The following UBAP2L variants were observed in gnomAD, a reference collection of about 807,000 sequenced individuals.
The protein encoded by UBAP2L is ubiquitin associated protein 2 like, also known as ubiquitin-associated protein 2-like.
In UBAP2L, 12 loss-of-function variants were observed where a neutral mutation model predicts 130.6. That is an observed-to-expected ratio of 0.09 (90% CI 0.06 to 0.15). The LOEUF is 0.15. Among genes scored for constraint, UBAP2L ranks in the 10% least tolerant of loss-of-function variants. UBAP2L has a pLI of 1.00. For synonymous variants in UBAP2L, 503 were observed against 524.7 expected (o/e 0.96, Z 0.57); for missense variants, 965 against 1,332.5 (o/e 0.72, Z 4.29).
In UBAP2L at chr1:154,257,184, G is replaced by A. The variant is rs927700441; in HGVS notation, c.2279G>A (p.Ser760Asn). 1.2e-6 allele frequency: 2 copies of A among 1,614,216 alleles called. No individual in the cohort carries two copies. The highest frequency in any genetic ancestry group is 3.3e-5 in the Admixed American group (2 of 60,024). ...VSVSSSLNSG[S>N]SLGLSLGSNS... is the part of the protein sequence containing the mutation. ...GTCTCCTCCAGTCTCAATAGTGGCA[G>A]TAGCCTGGGCCTCAGCCTAGGCAGC... Residue 760 changes from serine to asparagine, a missense_variant, in exon 19 of 27, where the codon AGT becomes AAT. Ser to Asn is a conservative substitution (Grantham distance 46, BLOSUM62 1). This residue lies in a region of UBAP2L where 393 missense variants were observed against 408.1 expected (regional missense o/e 0.96). Transcript: ENST00000428931.
intron 8 of UBAP2L, 128 bp downstream of exon 8, chr1:154,237,264 C>G (rs1671988367): frequency 2.5e-6 from 2 of 809,940 alleles, no homozygotes; most frequent in East Asian, 5.4e-5. Flanking sequence ...AAAGGGCTGG[C>G]AGTTGTATTA....
At chr1:154,247,871 A>T (rs941022998) in intron 11 of UBAP2L, among the ~76,000 whole-genome samples, 11 of 152,150 alleles carry the variant, frequency 7.2e-5, no homozygotes, top group Admixed American at 1.3e-4. Flanking sequence ...AATTTCACTT[A>T]AAATTTAATA....
intron 4 of UBAP2L, among the ~76,000 whole-genome samples, chr1:154,232,543 T>C (rs1008380161): frequency 2.6e-5 from 4 of 152,150 alleles, no homozygotes; most frequent in African/African-American, 9.7e-5. Flanking sequence ...GAATGTATCA[T>C]AGATATGTAT....
Position 154,251,664 on chromosome 1 carries a change from C to T in UBAP2L, c.1664+11C>T. 6.2e-7 allele frequency: 1 copy of T among 1,613,604 alleles called. No homozygotes were observed. On this transcript the variant is annotated intron_variant, in intron 14 of 26. Coordinates refer to ENST00000428931, the MANE Select transcript of UBAP2L (RefSeq NM_014847.4). ...TACCAGCACGGCCAGGTAGAGGAAACATTAACCATAAGACCTCTCTTATTA... is the reference window on the plus strand; with the variant it reads ...TACCAGCACGGCCAGGTAGAGGAAATATTAACCATAAGACCTCTCTTATTA...
chr1:154,220,220 G>A, upstream of UBAP2L: 1 of 1,210,222 alleles, frequency 8.3e-7, no homozygotes, highest in Non-Finnish European at 1.2e-6. Context: ...CCTGGAATAA[G>A]GAGTCAAAGC....
intron 4 of UBAP2L, 66 bp from the exon 5 acceptor site, chr1:154,234,525 C>G: frequency 6.4e-7 from 1 of 1,562,032 alleles, no homozygotes; most frequent in Non-Finnish European, 8.8e-7. Context: ...GTCATCCCAG[C>G]TTTCATCTCT....
In UBAP2L at chr1:154,221,889, G is replaced by A. The variant is rs534596930; in HGVS notation, c.-41+914G>A. 5.9e-5 allele frequency among the ~76,000 whole-genome samples: 9 copies of A among 152,332 alleles called. No individual in the cohort carries two copies. The South Asian group carries it at 1.9e-3, about 32-fold the overall frequency. Reference sequence around the variant, plus strand: ...TTTACGCTTAAGGGACGTCACTAGAGCACTGGGGTATTTGTTCACTCTTCT... The same window carrying A: ...TTTACGCTTAAGGGACGTCACTAGAACACTGGGGTATTTGTTCACTCTTCT... On this transcript the variant is annotated intron_variant, in intron 1 of 26. Coordinates refer to ENST00000428931, the MANE Select transcript of UBAP2L (RefSeq NM_014847.4).
intron 12 of UBAP2L, 116 bp from the exon 13 acceptor site, chr1:154,250,925 G>T: frequency 9.2e-7 from 1 of 1,081,914 alleles, no homozygotes; most frequent in East Asian, 2.4e-5. Context: ...AAGAGGGCCT[G>T]CTTATATGAG....
At chr1:154,239,933 G>C (rs1487535746) in intron 8 of UBAP2L, among the ~76,000 whole-genome samples, 1 of 152,108 alleles carries the variant, frequency 6.6e-6, no homozygotes, top group Non-Finnish European at 1.5e-5. Flanking sequence ...GATTTCCCTG[G>C]TGCAATTTTA....
chr1:154,248,428 G>A (rs1257828591), intron 11 of UBAP2L, among the ~76,000 whole-genome samples: 2 of 152,054 alleles, frequency 1.3e-5, no homozygotes, highest in African/African-American at 2.4e-5. Flanking sequence ...CCAGTTAATT[G>A]TTGTTTCTTT....
upstream of UBAP2L, chr1:154,220,700 T>C: frequency 2.2e-6 from 1 of 450,006 alleles, no homozygotes; most frequent in Non-Finnish European, 4.1e-6. Context: ...GCGGCGGCCA[T>C]CCGTGCGTCA....
intron 18 of UBAP2L, 52 bp downstream of exon 18, chr1:154,255,807 C>A: frequency 1.3e-6 from 2 of 1,588,630 alleles, no homozygotes; most frequent in Non-Finnish European, 1.7e-6. Context: ...TAGAACTGTC[C>A]AACTGTAAGA....
chr1:154,253,814 C>T (rs1678719990), intron 14 of UBAP2L, 86 bp from the exon 15 acceptor site: 8 of 1,335,660 alleles, frequency 6.0e-6, no homozygotes, highest in Non-Finnish European at 8.2e-6. Flanking sequence ...TCAAGTTATT[C>T]CACTAGTAGA....
intron 2 of UBAP2L, 100 bp from the exon 3 acceptor site, chr1:154,227,182 G>T: frequency 1.0e-6 from 1 of 1,000,536 alleles, no homozygotes; most frequent in Non-Finnish European, 1.6e-6. Context: ...TTTGTTACAA[G>T]GAAAAGAAAA....
intron 1 of UBAP2L, among the ~76,000 whole-genome samples, chr1:154,224,430 CAA>C (rs1036682159): frequency 6.6e-6 from 1 of 152,016 alleles, no homozygotes; most frequent in Non-Finnish European, 1.5e-5. Context: ...AGATTCTGGA[CAA>C]AGTCATTGGG....
At chr1:154,251,344 A>G (rs1442893806) in intron 13 of UBAP2L, 26 bp downstream of exon 13, 1 of 1,596,568 alleles carries the variant, frequency 6.3e-7, no homozygotes, top group Admixed American at 1.8e-5. Context: ...GGTAGATACC[A>G]TTTTATGGCA....
At chr1:154,264,193 C>G (rs1682515622) in intron 24 of UBAP2L, among the ~76,000 whole-genome samples, 1 of 152,178 alleles carries the variant, frequency 6.6e-6, no homozygotes, top group African/African-American at 2.4e-5. Context: ...GAGATCACCA[C>G]CCTGGGTGAA....
At chr1:154,239,228 G>A (rs1672681928) in intron 8 of UBAP2L, among the ~76,000 whole-genome samples, 1 of 151,378 alleles carries the variant, frequency 6.6e-6, no homozygotes, top group Non-Finnish European at 1.5e-5. Flanking sequence ...TTCACTGGTT[G>A]TTTTTTCTTT....
intron 6 of UBAP2L, 124 bp downstream of exon 6, chr1:154,235,415 C>T: frequency 1.7e-6 from 1 of 595,668 alleles, no homozygotes; most frequent in Admixed American, 3.4e-5. Flanking sequence ...TGCAGTGGCA[C>T]AGTCATAGCT....
Sources: gnomAD v4.1 joint callset for allele counts (sites outside exome capture counted in the v4.1 genomes callset) on GRCh38, gnomAD v4.1.1 for gene constraint, gnomAD v4.1.1 regional missense constraint, MANE v1.5 for transcripts, NCBI Gene and HGNC (gene_info 2026-07-23, HGNC 2026-07-21) for gene names.